SFXN1: variants seen among roughly 807,000 people sequenced by gnomAD.
The protein encoded by SFXN1 is sideroflexin 1, also known as sideroflexin-1.
Under a neutral mutation model 39.5 loss-of-function variants are expected in SFXN1, and 32 were observed. That is an observed-to-expected ratio of 0.81 (90% CI 0.61 to 1.09). SFXN1 has a LOEUF of 1.09. Among genes scored for constraint, SFXN1 ranks in the 50% least tolerant of loss-of-function variants. The pLI is 0.00. For synonymous variants in SFXN1, 136 were observed against 146.5 expected (o/e 0.93, Z 0.52); for missense variants, 402 against 407.1 (o/e 0.99, Z 0.11).
intron 8 of SFXN1, among the ~76,000 whole-genome samples, chr5:175,520,895 G>C (rs1229952606): frequency 6.6e-6 from 1 of 152,054 alleles, no homozygotes; most frequent in Non-Finnish European, 1.5e-5. Flanking sequence ...GGGCCCCTCT[G>C]TGTAACCTGT....
chr5:175,500,118 G>T (rs1331357225), intron 2 of SFXN1, among the ~76,000 whole-genome samples: 1 of 152,160 alleles, frequency 6.6e-6, no homozygotes, highest in Non-Finnish European at 1.5e-5. Context: ...AACCTGGGAG[G>T]TGGAGGTTGC....
intron 1 of SFXN1, among the ~76,000 whole-genome samples, chr5:175,482,865 T>C (rs116347779): frequency 0.019 from 2,933 of 152,272 alleles, 87 homozygotes; most frequent in African/African-American, 0.066. Context: ...TCAGGGTAGA[T>C]GCTCGGGAAA....
At chr5:175,488,393 C>G (rs1466747447) in intron 1 of SFXN1, among the ~76,000 whole-genome samples, 1 of 151,926 alleles carries the variant, frequency 6.6e-6, no homozygotes, top group Non-Finnish European at 1.5e-5. Context: ...ATCTCCGCCT[C>G]CCAGGTTCAA....
intron 1 of SFXN1, among the ~76,000 whole-genome samples, chr5:175,490,946 C>A (rs1419165353): frequency 6.6e-6 from 1 of 152,028 alleles, no homozygotes; most frequent in Admixed American, 6.6e-5. Flanking sequence ...AGGAAATGTA[C>A]CAAAACAGTA....
chr5:175,486,042 C>T (rs768633694), intron 1 of SFXN1, among the ~76,000 whole-genome samples: 2 of 152,194 alleles, frequency 1.3e-5, no homozygotes, highest in Non-Finnish European at 2.9e-5. Flanking sequence ...CTCCCTCTCT[C>T]TCCTTTTTCC....
At chr5:175,522,477 T>C (rs1285894859) in intron 10 of SFXN1, 55 bp downstream of exon 10, 1 of 1,546,316 alleles carries the variant, frequency 6.5e-7, no homozygotes. Flanking sequence ...AAAAACCAAT[T>C]GAAGGTGCAG....
At chr5:175,518,554 G>C (rs1760784311) in intron 8 of SFXN1, among the ~76,000 whole-genome samples, 2 of 152,182 alleles carry the variant, frequency 1.3e-5, no homozygotes, top group Admixed American at 1.3e-4. Context: ...TTGGGGCACA[G>C]AGGGAGCGCA....
chr5:175,486,010 C>G (rs1759436007), intron 1 of SFXN1, among the ~76,000 whole-genome samples: 1 of 152,188 alleles, frequency 6.6e-6, no homozygotes, highest in Admixed American at 6.5e-5. Context: ...AATGGAAATT[C>G]TTAAGATGTT....
Position 175,521,253 on chromosome 5 carries a change from T to TAA in SFXN1, c.775-654_775-653dup, listed in dbSNP as rs5873501. ...GACCAACCAACTTGTTCATTTCCAT[T>TAA]AAAAAAAAAAAAAGTGTGACTAGCA... On this transcript the variant is annotated intron_variant, in intron 8 of 10. Transcript: ENST00000321442. Among the ~76,000 whole-genome samples, 1,279 of 144,502 alleles carry TAA rather than the reference T, an allele frequency of 8.9e-3. 10 individuals are homozygous for TAA. Among genetic ancestry groups the TAA allele is most frequent in the Middle Eastern group, 0.014 (4 of 282 alleles). The allele number at this position is 144,502 out of a possible 152,430, so 94.8% of individuals were successfully genotyped here. A position where few individuals can be genotyped will look rare whatever the true frequency, so the allele number is the denominator to read the frequency against.
intron 2 of SFXN1, among the ~76,000 whole-genome samples, chr5:175,497,319 C>T (rs1759893144): frequency 6.6e-6 from 1 of 152,260 alleles, no homozygotes. Flanking sequence ...AGTTCAAGGG[C>T]TAGTTAGGGT....
chr5:175,492,359 T>G (rs1759690659), intron 2 of SFXN1, 92 bp downstream of exon 2: 2 of 799,680 alleles, frequency 2.5e-6, no homozygotes, highest in Middle Eastern at 3.7e-4. Flanking sequence ...ATTTTACAAC[T>G]TTTTTTTTTG....
At chr5:175,497,726 C>T (rs183225638) in intron 2 of SFXN1, among the ~76,000 whole-genome samples, 270 of 151,952 alleles carry the variant, frequency 1.8e-3, no homozygotes, top group African/African-American at 5.9e-3. Context: ...GTTAGGAGTT[C>T]GAGAGCAGCC....
At chr5:175,500,748 G>T (rs902295446) in intron 2 of SFXN1, among the ~76,000 whole-genome samples, 1 of 152,268 alleles carries the variant, frequency 6.6e-6, no homozygotes, top group South Asian at 2.1e-4. Context: ...TCGTAGTAAC[G>T]ACAGTTTAGC....
rs915172215 is a variant in SFXN1, at chr5:175,525,387, A to G, written c.873-1251A>G. ...TGCATAACGTCTGGCCCAGCAAGTG[A>G]GCTGTAAGTCATAGCCATTATCATT... On this transcript the variant is annotated intron_variant, in intron 10 of 10. Coordinates refer to ENST00000321442, the MANE Select transcript of SFXN1 (RefSeq NM_022754.7). Among the ~76,000 whole-genome samples, 8 of 152,290 alleles carry G rather than the reference A, an allele frequency of 5.3e-5. No homozygotes were observed. The South Asian group carries it at 1.7e-3, about 32-fold the overall frequency.
intron 2 of SFXN1, among the ~76,000 whole-genome samples, chr5:175,501,242 G>T (rs1469329115): frequency 6.6e-6 from 1 of 151,554 alleles, no homozygotes; most frequent in Non-Finnish European, 1.5e-5. Flanking sequence ...CTAATTTTTT[G>T]TATTTTTAAT....
intron 2 of SFXN1, among the ~76,000 whole-genome samples, chr5:175,504,938 C>T (rs1760231263): frequency 6.6e-6 from 1 of 152,040 alleles, no homozygotes; most frequent in South Asian, 2.1e-4. Flanking sequence ...CAGTGTTAGC[C>T]AGAATGGTCT....
chr5:175,512,289 T>C (rs963493512), intron 6 of SFXN1, 93 bp downstream of exon 6: 29 of 1,091,674 alleles, frequency 2.7e-5, no homozygotes, highest in Admixed American at 4.0e-5. Context: ...AATGCTTGTT[T>C]TAATATGTAT....
intron 10 of SFXN1, chr5:175,524,120 A>C (rs1180619624): frequency 1.1e-4 from 4 of 38,070 alleles, no homozygotes; most frequent in Non-Finnish European, 1.4e-4. Context: ...AAAAAAAAAA[A>C]AAAAAATATA....
At chr5:175,482,052 A>G (rs957359373) in intron 1 of SFXN1, among the ~76,000 whole-genome samples, 1 of 152,156 alleles carries the variant, frequency 6.6e-6, no homozygotes, top group African/African-American at 2.4e-5. Context: ...CATGGTACTA[A>G]ATTTCTCCGA....
Sources: gnomAD v4.1 joint callset for allele counts (sites outside exome capture counted in the v4.1 genomes callset) on GRCh38, gnomAD v4.1.1 for gene constraint, MANE v1.5 for transcripts, NCBI Gene and HGNC (gene_info 2026-07-23, HGNC 2026-07-21) for gene names.